Variants in PIAS2 observed in about 807,000 individuals in gnomAD.
The protein encoded by PIAS2 is protein inhibitor of activated STAT 2, also known as E3 SUMO-protein ligase PIAS2.
A neutral mutation model predicts 69.7 loss-of-function variants in PIAS2; 19 were observed. The ratio of observed to expected loss-of-function variants is 0.27; its 90% CI spans 0.19 to 0.40. The LOEUF (loss-of-function observed/expected upper bound fraction) is 0.40. Ranked by LOEUF, PIAS2 falls within the 10% of genes least tolerant of loss-of-function variation. The pLI is 1.00. For synonymous variants in PIAS2, 261 were observed against 263.2 expected, an observed-to-expected ratio of 0.99 and a Z score of 0.08; for missense variants, 624 against 757.0, an observed-to-expected ratio of 0.82 and a Z score of 2.06.
chr18:46,908,111 A>G (rs1416487877), intron 1 of PIAS2: 1 of 152,154 alleles, frequency 6.6e-6, no homozygotes, highest in Admixed American at 6.5e-5. Flanking sequence ...TGTATGCTAT[A>G]TATCAAAAGA....
chr18:46,858,028 T>C (rs2048092786), intron 3 of PIAS2, among the ~76,000 whole-genome samples: 1 of 152,066 alleles, frequency 6.6e-6, no homozygotes, highest in Non-Finnish European at 1.5e-5. Flanking sequence ...AAAGCAAATC[T>C]GGAAAGGCAT....
In PIAS2 at chr18:46,834,973, T is replaced by C. The variant is rs533288293; in HGVS notation, c.1202+1384A>G. 2.6e-5 allele frequency among the ~76,000 whole-genome samples: 4 copies of C among 152,250 alleles called. No homozygotes were observed. In the South Asian group the frequency reaches 8.3e-4, roughly 32 times the overall value. On this transcript the variant is annotated intron_variant, in intron 9 of 13. Transcript: ENST00000585916. The stretch of plus-strand genomic sequence containing the variant: ...TTTGAGTATTTCTATTTCTAAGAAC[T>C]TGAAGAAAACTCCACAGACATACAC...
rs1299199120 is a variant in PIAS2 at position 46,846,694 on chromosome 18, G to GGA, written c.861+11_861+12dup. ...GGGTCACTGTCCTGCTACCCAAAACGGAGAGCTTTTACCTTCCCAATTTCT... is the reference window on the plus strand; with the variant it reads ...GGGTCACTGTCCTGCTACCCAAAACGGAGAGAGCTTTTACCTTCCCAATTTCT... On this transcript the variant is annotated intron_variant, in intron 6 of 13. Transcript: ENST00000585916. 1 of 1,606,422 alleles carries GGA rather than the reference G, an allele frequency of 6.2e-7. No individual in the cohort carries two copies. Among genetic ancestry groups the GGA allele is most frequent in the African/African-American group, 1.3e-5 (1 of 74,576 alleles).
chr18:46,828,225 T>A, intron 10 of PIAS2, 95 bp from the exon 11 acceptor site: 1 of 1,094,678 alleles, frequency 9.1e-7, no homozygotes, highest in Non-Finnish European at 1.2e-6. Context: ...AGTATGTTCC[T>A]GACAACATAT....
Position 46,806,087 on chromosome 18 carries a change from T to C in PIAS2, c.*6346A>G, listed in dbSNP as rs539336777. The C allele has an allele frequency of 1.4e-4, 22 of 152,338 alleles. No homozygotes were observed. In the East Asian group the frequency reaches 4.3e-3, roughly 29 times the overall value. The allele number at this position is 152,338 out of a possible 1,614,324, so 9.4% of individuals were successfully genotyped here. A position where few individuals can be genotyped will look rare whatever the true frequency, so the allele number is the denominator to read the frequency against. On this transcript the variant is annotated 3_prime_UTR_variant, in exon 14 of 14. Transcript: ENST00000585916. ...TCCTTCCTTATTACTCTGGCCATCA[T>C]CTGAAACCAGTTCTCATAATTTTAA...
At chr18:46,864,650 A>G (rs1295104292) in intron 2 of PIAS2, among the ~76,000 whole-genome samples, 1 of 152,006 alleles carries the variant, frequency 6.6e-6, no homozygotes, top group African/African-American at 2.4e-5. Flanking sequence ...CATGCCTGTA[A>G]TGCCAGCTAC....
chr18:46,812,709 T>C, intron 13 of PIAS2, 97 bp from the exon 14 acceptor site: 1 of 678,018 alleles, frequency 1.5e-6, no homozygotes, highest in South Asian at 2.5e-5. Context: ...AATAGTCACA[T>C]ATTTAAATCC....
chr18:46,843,425 C>T (rs1192820924), intron 8 of PIAS2, among the ~76,000 whole-genome samples: 3 of 152,192 alleles, frequency 2.0e-5, no homozygotes, highest in Admixed American at 6.5e-5. Context: ...CTCCCATCTC[C>T]TCTTGGTAGT....
intron 6 of PIAS2, 66 bp downstream of exon 6, chr18:46,846,641 A>G: frequency 6.9e-7 from 1 of 1,458,750 alleles, no homozygotes; most frequent in Non-Finnish European, 9.1e-7. Context: ...ACAGCTTAAG[A>G]AAAAACACAG....
chr18:46,876,609 G>A (rs1297057297), intron 2 of PIAS2, among the ~76,000 whole-genome samples: 2 of 151,976 alleles, frequency 1.3e-5, no homozygotes, highest in East Asian at 3.9e-4. Flanking sequence ...TGCTCCCGAT[G>A]GAACCATAAC....
chr18:46,916,013 A>C lies in PIAS2; in HGVS notation c.24+1309T>G, dbSNP rs147714199. Among the ~76,000 whole-genome samples, 13 of 152,288 alleles carry C rather than the reference A, an allele frequency of 8.5e-5. No homozygotes were observed. In the East Asian group the frequency reaches 1.9e-3, roughly 23 times the overall value. On this transcript the variant is annotated intron_variant, in intron 1 of 13. Transcript: ENST00000585916. Reference sequence around the variant, plus strand: ...GGGCTCTGAGCCACTAAAACCCTTAAACTTATCAAGTATGAACACCCTTTA... The same window carrying C: ...GGGCTCTGAGCCACTAAAACCCTTACACTTATCAAGTATGAACACCCTTTA...
intron 3 of PIAS2, among the ~76,000 whole-genome samples, chr18:46,862,445 C>G (rs2145577806): frequency 6.6e-6 from 1 of 152,242 alleles, no homozygotes; most frequent in Middle Eastern, 3.4e-3. Flanking sequence ...TAATTAATAT[C>G]TGAAAAGGAA....
At chr18:46,815,384 T>C (rs1201257001) in intron 12 of PIAS2, 35 bp from the exon 13 acceptor site, 2 of 1,608,108 alleles carry the variant, frequency 1.2e-6, no homozygotes, top group Non-Finnish European at 1.7e-6. Context: ...AGTTGTCTCA[T>C]ATTTTGGGAG....
chr18:46,868,096 T>C (rs1028047894), intron 2 of PIAS2, among the ~76,000 whole-genome samples: 3 of 152,184 alleles, frequency 2.0e-5, no homozygotes, highest in Admixed American at 2.0e-4. Context: ...ACCTCAAGCA[T>C]ATGTCTTCTC....
At chr18:46,856,224 A>G (rs2047807030) in intron 3 of PIAS2, among the ~76,000 whole-genome samples, 1 of 151,516 alleles carries the variant, frequency 6.6e-6, no homozygotes, top group South Asian at 2.1e-4. Flanking sequence ...GATGGTCTTG[A>G]TCTCCTGACC....
intron 1 of PIAS2, among the ~76,000 whole-genome samples, chr18:46,894,124 T>A (rs1373377515): frequency 6.6e-6 from 1 of 152,136 alleles, no homozygotes; most frequent in East Asian, 1.9e-4. Flanking sequence ...AGACCCCATC[T>A]CAAAAAGCAA....
chr18:46,909,213 T>C (rs547989896), intron 1 of PIAS2, among the ~76,000 whole-genome samples: 1 of 152,262 alleles, frequency 6.6e-6, no homozygotes, highest in African/African-American at 2.4e-5. Context: ...CTCAAACTCA[T>C]TAGCAAAGCA....
At chr18:46,812,982 T>C (rs2041123477) in intron 13 of PIAS2, among the ~76,000 whole-genome samples, 1 of 152,204 alleles carries the variant, frequency 6.6e-6, no homozygotes, top group East Asian at 1.9e-4. Flanking sequence ...GAAAGAATTG[T>C]TGATCTTACA....
intron 2 of PIAS2, among the ~76,000 whole-genome samples, chr18:46,867,670 A>G (rs762330582): frequency 1.3e-5 from 2 of 152,126 alleles, no homozygotes; most frequent in Non-Finnish European, 2.9e-5. Context: ...TTTTTCAACA[A>G]CCCTTCATAA....
Sources: allele counts gnomAD v4.1 joint callset (sites outside exome capture counted in the v4.1 genomes callset), GRCh38; gene constraint gnomAD v4.1.1; transcripts MANE v1.5; gene names NCBI Gene and HGNC (gene_info 2026-07-23, HGNC 2026-07-21).